CIDEC: variants seen among roughly 807,000 people sequenced by gnomAD.
CIDEC encodes lipid transferase CIDEC.
A neutral mutation model predicts 21.9 loss-of-function variants in CIDEC; 11 were observed. The ratio of observed to expected loss-of-function variants is 0.50; its 90% CI spans 0.32 to 0.83. CIDEC has a LOEUF of 0.83. CIDEC is among the 40% of genes least tolerant of loss of function. CIDEC has a pLI of 0.04. For missense variants in CIDEC, 302 were observed against 302.3 expected (o/e 1.00, Z 0.01); for synonymous variants, 127 against 124.9 (o/e 1.02, Z -0.11).
chr3:9,877,242 G>A, intron 3 of CIDEC, 23 bp from the exon 4 acceptor site: 2 of 1,549,612 alleles, frequency 1.3e-6, no homozygotes, highest in Non-Finnish European at 8.7e-7. Context: ...AAGCATCAGG[G>A]TGAGCCACCC....
chr3:9,878,627 ATCCCAAC>A, intron 2 of CIDEC, 116 bp from the exon 3 acceptor site: 2 of 1,244,546 alleles, frequency 1.6e-6, no homozygotes. Flanking sequence ...CTATTCTTCT[ATCCCAAC>A]TCACACATAC....
At chr3:9,879,219 C>G (rs2082472435) in intron 1 of CIDEC, among the ~76,000 whole-genome samples, 165 bp from the exon 2 acceptor site, 1 of 138,508 alleles carries the variant, frequency 7.2e-6, no homozygotes, top group Non-Finnish European at 1.5e-5. Context: ...ATGGGGCGAT[C>G]TTGCTCACTA....
intron 6 of CIDEC, among the ~76,000 whole-genome samples, 198 bp downstream of exon 6, chr3:9,869,684 C>T (rs538333789): frequency 1.6e-3 from 245 of 152,336 alleles, no homozygotes; most frequent in African/African-American, 5.4e-3. Context: ...AGGAGGAACA[C>T]GTGCACCCCT....
At chr3:9,871,276 T>C (rs186683334) in intron 4 of CIDEC, among the ~76,000 whole-genome samples, 222 of 150,180 alleles carry the variant, frequency 1.5e-3, no homozygotes, top group African/African-American at 5.1e-3. Flanking sequence ...CCTCCTGGGC[T>C]CAAGTGATCC....
At chr3:9,879,147 G>T (rs2082470474) in intron 1 of CIDEC, 93 bp from the exon 2 acceptor site, 3 of 241,592 alleles carry the variant, frequency 1.2e-5, no homozygotes, top group African/African-American at 2.3e-5. Context: ...TAACTAGTGT[G>T]ATTCAGGAGC....
Position 9,870,220 on chromosome 3 carries a change from C to T in CIDEC, c.310G>A (p.Asp104Asn). The change falls in exon 5 of 7, where the codon GAT (aspartate) becomes AAT (asparagine). Residue 104 changes from aspartate to asparagine, a missense_variant. Physicochemically the swap from Asp to Asn is conservative, Grantham distance 23. Transcript: ENST00000336832. Reference sequence around the variant, plus strand: ...TTCTGGAGGACCATGAACACTGTATCCCCTGCCAGGGCTTGGAAGTACTCT... The same window carrying T: ...TTCTGGAGGACCATGAACACTGTATTCCCTGCCAGGGCTTGGAAGTACTCT... ...TEEYFQALAG[D>N]TVFMVLQKGQ... 4 of 1,614,154 alleles carry T rather than the reference C, an allele frequency of 2.5e-6. No homozygotes were observed. Among genetic ancestry groups the T allele is most frequent in the South Asian group, 2.2e-5 (2 of 91,084 alleles).
At chr3:9,870,570 G>A (rs1241243192) in intron 4 of CIDEC, 2 of 1,157,408 alleles carry the variant, frequency 1.7e-6, no homozygotes, top group African/African-American at 1.5e-5. Context: ...CTCTAAAAGT[G>A]TACAATTCAG....
chr3:9,869,631 A>C (rs895082788), intron 6 of CIDEC, among the ~76,000 whole-genome samples: 4 of 152,218 alleles, frequency 2.6e-5, no homozygotes, highest in African/African-American at 9.6e-5. Context: ...TAGTTACTAG[A>C]GTGGAAAGTA....
intron 6 of CIDEC, among the ~76,000 whole-genome samples, chr3:9,869,276 A>G (rs1401014490): frequency 6.7e-6 from 1 of 150,234 alleles, no homozygotes; most frequent in Non-Finnish European, 1.5e-5. Context: ...TTTCCGAGAC[A>G]GTCTTGCTCT....
intron 3 of CIDEC, 88 bp from the exon 4 acceptor site, chr3:9,877,307 A>G (rs1159669770): frequency 6.9e-6 from 9 of 1,296,432 alleles, no homozygotes; most frequent in African/African-American, 1.5e-5. Flanking sequence ...ACCCCTCCTG[A>G]CTGGGCTCAT....
chr3:9,873,333 C>T (rs909987839), intron 4 of CIDEC, among the ~76,000 whole-genome samples: 6 of 152,160 alleles, frequency 3.9e-5, no homozygotes, highest in East Asian at 1.9e-4. Context: ...TCATGACGGC[C>T]GGGTGCAGTG....
chr3:9,877,291 C>A, intron 3 of CIDEC, 72 bp from the exon 4 acceptor site: 1 of 1,389,148 alleles, frequency 7.2e-7, no homozygotes, highest in Non-Finnish European at 1.0e-6. Context: ...GGGGAGCCAC[C>A]TCCCCACCCC....
At chr3:9,878,814 A>C (rs1175704761) in intron 2 of CIDEC, 128 bp downstream of exon 2, 2 of 1,535,920 alleles carry the variant, frequency 1.3e-6, no homozygotes, top group Non-Finnish European at 1.7e-6. Flanking sequence ...GGTCACACTG[A>C]GCAGATAACC....
chr3:9,877,007 C>G, intron 4 of CIDEC, 59 bp downstream of exon 4: 1 of 1,439,938 alleles, frequency 6.9e-7, no homozygotes, highest in Non-Finnish European at 9.6e-7. Flanking sequence ...AAGCCCTGAC[C>G]TCCATCTCTG....
At chr3:9,868,632 C>A (rs1177009593) in intron 6 of CIDEC, among the ~76,000 whole-genome samples, 1 of 152,148 alleles carries the variant, frequency 6.6e-6, no homozygotes, top group Non-Finnish European at 1.5e-5. Flanking sequence ...CTCACATATT[C>A]TCATGCTTCT....
chr3:9,869,306 A>G (rs1319698046), intron 6 of CIDEC, among the ~76,000 whole-genome samples: 2 of 151,734 alleles, frequency 1.3e-5, no homozygotes, highest in Non-Finnish European at 1.5e-5. Flanking sequence ...GCTGGAGTGC[A>G]GTGGCAGAAT....
intron 6 of CIDEC, among the ~76,000 whole-genome samples, chr3:9,867,693 C>T (rs1197430275): frequency 9.9e-5 from 15 of 151,940 alleles, no homozygotes; most frequent in Non-Finnish European, 2.1e-4. Context: ...TTTAGGTGGC[C>T]GAGGTGGGTG....
intron 6 of CIDEC, among the ~76,000 whole-genome samples, chr3:9,868,516 TG>T (rs2082303548): frequency 6.6e-6 from 1 of 152,180 alleles, no homozygotes; most frequent in Admixed American, 6.5e-5. Flanking sequence ...AAAATGGGAT[TG>T]CACCTGCCAC....
Position 9,877,222 on chromosome 3 carries a change from G to A in CIDEC, c.54-3C>T, listed in dbSNP as rs1320919617. The A allele has an allele frequency of 1.3e-6, 2 of 1,549,946 alleles. No individual in the cohort carries two copies. Among genetic ancestry groups the A allele is most frequent in the Non-Finnish European group, 1.7e-6 (2 of 1,146,964 alleles). On this transcript the variant is annotated splice_region_variant and splice_polypyrimidine_tract_variant and intron_variant, in intron 3 of 6. Coordinates refer to ENST00000336832, the MANE Select transcript of CIDEC (RefSeq NM_001321142.2). ...CAGAGGTACGCACTGACACATGCCT[G>A]GGGCAGTTGAAGCATCAGGGTGAGC...
Sources: allele counts gnomAD v4.1 joint callset (sites outside exome capture counted in the v4.1 genomes callset), GRCh38; gene constraint gnomAD v4.1.1; transcripts MANE v1.5; gene names NCBI Gene and HGNC (gene_info 2026-07-23, HGNC 2026-07-21).